The following COL24A1 variants were observed in gnomAD, a reference collection of about 807,000 sequenced individuals.
COL24A1 encodes the protein collagen type XXIV alpha 1 chain.
COL24A1 carries 224 observed loss-of-function variants against 253.9 expected under a neutral mutation model. The observed-to-expected ratio is 0.88, with a 90% CI of 0.79 to 0.99. The LOEUF is 0.99. Ranked by LOEUF, COL24A1 falls within the 50% of genes least tolerant of loss-of-function variation. COL24A1 has a pLI of 0.00. For missense variants in COL24A1, 2,131 were observed against 2,068.5 expected, an observed-to-expected ratio of 1.03 and a Z score of -0.59; for synonymous variants, 685 against 673.7, an observed-to-expected ratio of 1.02 and a Z score of -0.26.
At chr1:85,794,314 A>G (rs987674073) in intron 47 of COL24A1, among the ~76,000 whole-genome samples, 5 of 152,172 alleles carry the variant, frequency 3.3e-5, no homozygotes, top group African/African-American at 9.7e-5. Context: ...ATTTTCTAAT[A>G]TAAAAAATGT....
chr1:85,980,941 C>A (rs1693196192), intron 20 of COL24A1, among the ~76,000 whole-genome samples: 1 of 151,980 alleles, frequency 6.6e-6, no homozygotes, highest in Admixed American at 6.6e-5. Flanking sequence ...TATACCTAAC[C>A]AAGAAGGTAA....
In COL24A1 at chr1:86,017,186, C is replaced by G. The variant is rs777161786; in HGVS notation, c.2275G>C (p.Gly759Arg). ...GGAGGGCCAGATGGTCCTTGGAGTC[C>G]TGGGTCACCTGTTTGGCCCTAAAAT... Reference protein sequence around the residue: ...SGPSGQTGDPGLQGPSGPPGP... With the variant: ...SGPSGQTGDPRLQGPSGPPGP... The change falls in exon 19 of 60, where the codon GGA (glycine) becomes CGA (arginine). Residue 759 changes from glycine to arginine, a missense_variant. By Grantham distance (125) the Gly-to-Arg change is moderately radical. Transcript: ENST00000370571. 8 of 1,572,492 alleles carry G rather than the reference C, an allele frequency of 5.1e-6. No homozygotes were observed. In the Admixed American group the frequency reaches 8.2e-5, roughly 16 times the overall value.
chr1:85,833,876 A>G (rs1176834578), intron 43 of COL24A1, among the ~76,000 whole-genome samples: 1 of 150,486 alleles, frequency 6.6e-6, no homozygotes, highest in African/African-American at 2.4e-5. Context: ...ACAAAAAACC[A>G]AACACTGCAT....
chr1:85,989,285 G>C (rs970655189), intron 19 of COL24A1, among the ~76,000 whole-genome samples: 1 of 151,784 alleles, frequency 6.6e-6, no homozygotes, highest in Non-Finnish European at 1.5e-5. Context: ...CAGTTTCCAA[G>C]CCAAAAATCT....
chr1:85,745,377 A>G, intron 56 of COL24A1, 64 bp downstream of exon 56: 5 of 1,236,820 alleles, frequency 4.0e-6, no homozygotes, highest in Non-Finnish European at 5.6e-6. Context: ...GCCTCCAAAA[A>G]TTTTCTCTGT....
At chr1:85,788,162 C>T (rs1669879944) in intron 47 of COL24A1, among the ~76,000 whole-genome samples, 1 of 152,072 alleles carries the variant, frequency 6.6e-6, no homozygotes, top group African/African-American at 2.4e-5. Context: ...GCGATCTCGG[C>T]TCACTGCAAG....
intron 12 of COL24A1, among the ~76,000 whole-genome samples, chr1:86,041,322 C>T (rs116455746): frequency 1.1e-3 from 160 of 152,236 alleles, no homozygotes; most frequent in African/African-American, 3.5e-3. Flanking sequence ...CATCAGCATT[C>T]GGATAGCAGT....
At chr1:85,746,933 C>G (rs1356203516) in intron 55 of COL24A1, among the ~76,000 whole-genome samples, 1 of 152,000 alleles carries the variant, frequency 6.6e-6, no homozygotes, top group East Asian at 1.9e-4. Context: ...AAACCATAGC[C>G]ACCTTTATGT....
intron 57 of COL24A1, among the ~76,000 whole-genome samples, chr1:85,741,889 T>C (rs984360413): frequency 2.0e-5 from 3 of 152,186 alleles, no homozygotes; most frequent in Non-Finnish European, 4.4e-5. Context: ...CTTAATGATG[T>C]CTGCATTGCT....
intron 56 of COL24A1, 117 bp from the exon 57 acceptor site, chr1:85,744,951 A>G (rs1030776439): frequency 4.3e-5 from 31 of 721,358 alleles, no homozygotes; most frequent in African/African-American, 1.8e-5. Context: ...GAATGTAAAG[A>G]ACAGTTTATA....
chr1:85,883,371 C>T (rs1474743195), intron 32 of COL24A1, among the ~76,000 whole-genome samples: 1 of 151,810 alleles, frequency 6.6e-6, no homozygotes, highest in African/African-American at 2.4e-5. Context: ...AGGAGAGTCC[C>T]ACCATGTCCA....
intron 24 of COL24A1, among the ~76,000 whole-genome samples, chr1:85,946,997 G>A (rs1192128595): frequency 1.3e-5 from 2 of 152,200 alleles, no homozygotes; most frequent in Non-Finnish European, 2.9e-5. Flanking sequence ...ATAATTCTGA[G>A]TTTCGAAACC....
At chr1:85,735,034 G>T (rs1019523676) in intron 58 of COL24A1, 70 bp from the exon 59 acceptor site, 2 of 1,463,106 alleles carry the variant, frequency 1.4e-6, no homozygotes, top group African/African-American at 2.8e-5. Context: ...AGGAAAACCT[G>T]AGGAAAAGTC....
intron 1 of COL24A1, among the ~76,000 whole-genome samples, chr1:86,147,773 T>C (rs1652113704): frequency 1.3e-5 from 2 of 152,260 alleles, no homozygotes; most frequent in African/African-American, 2.4e-5. Flanking sequence ...ATTTACAATG[T>C]TATTAAAATA....
intron 4 of COL24A1, among the ~76,000 whole-genome samples, chr1:86,114,947 C>CT (rs1441720202): frequency 6.6e-6 from 1 of 152,166 alleles, no homozygotes; most frequent in African/African-American, 2.4e-5. Flanking sequence ...GAATTTTCCA[C>CT]TATGTAATCC....
chr1:86,135,013 C>G (rs1572041719), intron 2 of COL24A1, among the ~76,000 whole-genome samples: 1 of 151,542 alleles, frequency 6.6e-6, no homozygotes, highest in Non-Finnish European at 1.5e-5. Context: ...CAAGGACTTG[C>G]TTTATGAATC....
rs560199520 is a variant in COL24A1 at position 85,838,881 on chromosome 1, T to C, written c.3628-243A>G. Among the ~76,000 whole-genome samples the C allele has an allele frequency of 3.9e-5, 6 of 152,300 alleles. No individual in the cohort carries two copies. The South Asian group carries it at 1.0e-3, about 26-fold the overall frequency. On this transcript the variant is annotated intron_variant, in intron 42 of 59. Coordinates refer to ENST00000370571, the MANE Select transcript of COL24A1 (RefSeq NM_152890.7). ...CATAATGATTCTACTAGGAAAAATA[T>C]TGAAAACTGAAGCCCAATTAAAAAT...
chr1:85,881,358 T>A (rs952898607), intron 32 of COL24A1, among the ~76,000 whole-genome samples: 1 of 151,998 alleles, frequency 6.6e-6, no homozygotes, highest in Non-Finnish European at 1.5e-5. Flanking sequence ...ATTTAAGTTA[T>A]CAAATTTGTG....
At chr1:85,744,638 T>C (rs753136571) in intron 57 of COL24A1, 28 bp downstream of exon 57, 1 of 1,546,138 alleles carries the variant, frequency 6.5e-7, no homozygotes, top group East Asian at 2.3e-5. Context: ...AAATTCACTA[T>C]CAGAGTTTGA....
Sources: gnomAD v4.1 joint callset for allele counts (sites outside exome capture counted in the v4.1 genomes callset) on GRCh38, gnomAD v4.1.1 for gene constraint, MANE v1.5 for transcripts, NCBI Gene and HGNC (gene_info 2026-07-23, HGNC 2026-07-21) for gene names.